The following POC1A variants were observed in gnomAD, a reference collection of about 807,000 sequenced individuals.
POC1A encodes POC1 centriolar protein A.
In POC1A, 34 loss-of-function variants were observed where a neutral mutation model predicts 47.8. The observed-to-expected ratio is 0.71, with a 90% CI of 0.54 to 0.95. The LOEUF is 0.95. Among genes scored for constraint, POC1A ranks in the 40% least tolerant of loss-of-function variants. POC1A has a pLI of 0.00. For missense variants in POC1A, 466 were observed against 528.3 expected (o/e 0.88, Z 1.16); for synonymous variants, 177 against 207.6 (o/e 0.85, Z 1.27).
chr3:52,087,681 C>T (rs986621858), intron 10 of POC1A, among the ~76,000 whole-genome samples: 3 of 152,150 alleles, frequency 2.0e-5, no homozygotes, highest in African/African-American at 7.2e-5. Flanking sequence ...TAAATGAACA[C>T]AGCTCTCTTT....
chr3:52,142,116 C>A (rs1056246217), intron 6 of POC1A, among the ~76,000 whole-genome samples: 1 of 152,250 alleles, frequency 6.6e-6, no homozygotes, highest in African/African-American at 2.4e-5. Context: ...TGACTGTGGG[C>A]TGCATGCTCC....
chr3:52,102,945 C>T (rs1703048087), intron 9 of POC1A, among the ~76,000 whole-genome samples: 1 of 152,178 alleles, frequency 6.6e-6, no homozygotes, highest in African/African-American at 2.4e-5. Context: ...AATCACACTA[C>T]ATGATTTCAA....
intron 9 of POC1A, among the ~76,000 whole-genome samples, chr3:52,105,780 G>A (rs1317358572): frequency 6.6e-6 from 1 of 152,238 alleles, no homozygotes; most frequent in Non-Finnish European, 1.5e-5. Flanking sequence ...CCTCCAGGCA[G>A]CCTGAGCATG....
chr3:52,138,422 T>A (rs1034082171), intron 6 of POC1A, 120 bp from the exon 7 acceptor site: 1 of 1,010,854 alleles, frequency 9.9e-7, no homozygotes, highest in South Asian at 1.6e-5. Flanking sequence ...TGGGTCAGGA[T>A]GGTCATTGCT....
chr3:52,147,171 C>G lies in POC1A; in HGVS notation c.456-76G>C, dbSNP rs956096716. On this transcript the variant is annotated intron_variant, in intron 4 of 10. Transcript: ENST00000296484. ...CACCACACACCTTCTTCCACAGCCACTCTTCCCCGAGTGCCTACTATCTGC... is the reference window on the plus strand; with the variant it reads ...CACCACACACCTTCTTCCACAGCCAGTCTTCCCCGAGTGCCTACTATCTGC... 63 of 1,158,166 alleles carry G rather than the reference C, an allele frequency of 5.4e-5. No individual in the cohort carries two copies. The African/African-American group carries it at 9.5e-4, about 18-fold the overall frequency. The allele number at this position is 1,158,166 out of a possible 1,614,324, so 71.7% of individuals were successfully genotyped here. A position where few individuals can be genotyped will look rare whatever the true frequency, so the allele number is the denominator to read the frequency against.
chr3:52,137,782 C>G (rs1324276660), intron 7 of POC1A, among the ~76,000 whole-genome samples: 5 of 152,200 alleles, frequency 3.3e-5, no homozygotes, highest in African/African-American at 1.2e-4. Context: ...TTGCCTCAGT[C>G]TCTAGACACA....
intron 7 of POC1A, among the ~76,000 whole-genome samples, chr3:52,134,103 T>C (rs1704343807): frequency 6.6e-6 from 1 of 152,132 alleles, no homozygotes; most frequent in Admixed American, 6.5e-5. Flanking sequence ...GCTGGTACCC[T>C]ACCTAGACCT....
intron 9 of POC1A, among the ~76,000 whole-genome samples, chr3:52,107,387 T>A (rs936992855): frequency 1.3e-5 from 2 of 152,224 alleles, no homozygotes; most frequent in Admixed American, 1.3e-4. Flanking sequence ...GCTGAGTCTG[T>A]TCTGGAGTTC....
chr3:52,145,799 G>A (rs1219431544), intron 6 of POC1A, 47 bp downstream of exon 6: 2 of 1,237,518 alleles, frequency 1.6e-6, no homozygotes, highest in East Asian at 2.3e-5. Context: ...CACCATCACA[G>A]TCCCACCAGG....
intron 9 of POC1A, among the ~76,000 whole-genome samples, chr3:52,099,230 T>A (rs189098569): frequency 1.4e-3 from 216 of 152,216 alleles, no homozygotes; most frequent in African/African-American, 4.9e-3. Context: ...AAAATTCCTG[T>A]GTAATGAATC....
chr3:52,124,444 G>C lies in POC1A; in HGVS notation c.882+669C>G, dbSNP rs143325440. On this transcript the variant is annotated intron_variant, in intron 8 of 10. Coordinates refer to ENST00000296484, the MANE Select transcript of POC1A (RefSeq NM_015426.5). ...AAGCCTCAGAGCAGAGGGTGACAAG[G>C]TGGGATAGGACCTCTTCACAATGTC... Among the ~76,000 whole-genome samples, 592 of 152,328 alleles carry C rather than the reference G, an allele frequency of 3.9e-3. 7 individuals are homozygous for C. The highest frequency in any genetic ancestry group is 7.0e-3 in the Non-Finnish European group (477 of 68,032).
intron 9 of POC1A, among the ~76,000 whole-genome samples, chr3:52,115,764 G>T (rs959964302): frequency 3.9e-5 from 6 of 152,136 alleles, no homozygotes; most frequent in African/African-American, 1.4e-4. Context: ...CACTAAACCC[G>T]TTGGTGCTTT....
At chr3:52,076,456 G>T (rs1702119376) in intron 10 of POC1A, among the ~76,000 whole-genome samples, 1 of 152,182 alleles carries the variant, frequency 6.6e-6, no homozygotes, top group South Asian at 2.1e-4. Flanking sequence ...ACTCCACTTG[G>T]GTCCTTCCCC....
At chr3:52,118,049 G>T (rs1301884549) in intron 9 of POC1A, among the ~76,000 whole-genome samples, 1 of 152,186 alleles carries the variant, frequency 6.6e-6, no homozygotes, top group Non-Finnish European at 1.5e-5. Flanking sequence ...CTAAGCACTA[G>T]ACCCTTGAAA....
intron 7 of POC1A, among the ~76,000 whole-genome samples, chr3:52,127,536 G>T (rs963239167): frequency 8.7e-5 from 13 of 149,854 alleles, no homozygotes; most frequent in Non-Finnish European, 1.5e-4. Context: ...GATTACAGGT[G>T]CCCGCCACCA....
At chr3:52,101,117 G>GC (rs1001420017) in intron 9 of POC1A, among the ~76,000 whole-genome samples, 6 of 147,768 alleles carry the variant, frequency 4.1e-5, no homozygotes, top group African/African-American at 1.5e-4. Context: ...AAAATATCAA[G>GC]CACCAAGCAA....
intron 7 of POC1A, among the ~76,000 whole-genome samples, chr3:52,137,715 C>G (rs1476431746): frequency 6.6e-6 from 1 of 152,126 alleles, no homozygotes; most frequent in Non-Finnish European, 1.5e-5. Flanking sequence ...AATTCTCAAA[C>G]GACAAACATG....
intron 4 of POC1A, among the ~76,000 whole-genome samples, chr3:52,148,748 T>A (rs977786862): frequency 6.6e-6 from 1 of 152,158 alleles, no homozygotes; most frequent in Non-Finnish European, 1.5e-5. Flanking sequence ...GGGTTCAAAC[T>A]CCAGCTCTGC....
chr3:52,127,146 TC>T (rs1704032824), intron 7 of POC1A, among the ~76,000 whole-genome samples: 1 of 152,054 alleles, frequency 6.6e-6, no homozygotes, highest in Non-Finnish European at 1.5e-5. Flanking sequence ...ATAATATAGA[TC>T]CACTTTTACT....
Sources: gnomAD v4.1 joint callset for allele counts (sites outside exome capture counted in the v4.1 genomes callset) on GRCh38, gnomAD v4.1.1 for gene constraint, MANE v1.5 for transcripts, NCBI Gene and HGNC (gene_info 2026-07-23, HGNC 2026-07-21) for gene names.